LRRC7: variants seen among roughly 807,000 people sequenced by gnomAD.
LRRC7 encodes the protein leucine-rich repeat-containing protein 7.
Under a neutral mutation model 175.7 loss-of-function variants are expected in LRRC7, and 23 were observed. The ratio of observed to expected loss-of-function variants is 0.13; its 90% CI spans 0.09 to 0.19. The LOEUF is 0.19. Among genes scored for constraint, LRRC7 ranks in the 10% least tolerant of loss-of-function variants. The pLI, the probability that LRRC7 is intolerant of heterozygous loss-of-function variation, is 1.00. For synonymous variants in LRRC7, 685 were observed against 680.9 expected, an observed-to-expected ratio of 1.01 and a Z score of -0.09; for missense variants, 1,354 against 1,904.7, an observed-to-expected ratio of 0.71 and a Z score of 5.38.
At chr1:70,062,920 A>T (rs180997973) in intron 23 of LRRC7, among the ~76,000 whole-genome samples, 1 of 151,960 alleles carries the variant, frequency 6.6e-6, no homozygotes, top group Non-Finnish European at 1.5e-5. Context: ...TGGAAAAAAA[A>T]TCTCTAACCT....
chr1:70,001,974 A>G (rs1238407203), intron 11 of LRRC7, among the ~76,000 whole-genome samples: 2 of 152,198 alleles, frequency 1.3e-5, no homozygotes, highest in Non-Finnish European at 1.5e-5. Context: ...CTTCAATGCC[A>G]AGCTGTTAAC....
intron 8 of LRRC7, among the ~76,000 whole-genome samples, chr1:69,965,826 A>G (rs1036492148): frequency 2.0e-4 from 31 of 152,166 alleles, no homozygotes; most frequent in Non-Finnish European, 4.0e-4. Context: ...TTGTCATCAA[A>G]AGGTGAACAA....
chr1:69,679,684 T>G (rs1660231869), intron 2 of LRRC7, among the ~76,000 whole-genome samples: 1 of 152,132 alleles, frequency 6.6e-6, no homozygotes, highest in Non-Finnish European at 1.5e-5. Context: ...ACTTCGGGGT[T>G]TCTTCTCTAT....
chr1:69,692,831 G>A (rs1287538096), intron 2 of LRRC7, among the ~76,000 whole-genome samples: 1 of 152,074 alleles, frequency 6.6e-6, no homozygotes, highest in Non-Finnish European at 1.5e-5. Context: ...CTATGCGAAT[G>A]TTTTCAGAAA....
intron 7 of LRRC7, among the ~76,000 whole-genome samples, chr1:69,916,093 C>CGT (rs1557884214): frequency 7.4e-6 from 1 of 134,494 alleles, no homozygotes; most frequent in Non-Finnish European, 1.6e-5. Context: ...ATATTATATA[C>CGT]ATATTTTATA....
intron 1 of LRRC7, among the ~76,000 whole-genome samples, chr1:69,596,190 G>T (rs149457061): frequency 1.3e-5 from 2 of 152,208 alleles, no homozygotes; most frequent in Non-Finnish European, 2.9e-5. Context: ...AGTTTAAGAA[G>T]ATTATCTCCT....
intron 24 of LRRC7, among the ~76,000 whole-genome samples, chr1:70,082,383 A>C (rs900470568): frequency 6.6e-6 from 1 of 152,164 alleles, no homozygotes; most frequent in Non-Finnish European, 1.5e-5. Flanking sequence ...CTATTTGTGA[A>C]TATTTCCCCC....
chr1:69,719,314 AAATGAATG>A (rs938796260), intron 2 of LRRC7, among the ~76,000 whole-genome samples: 1 of 151,752 alleles, frequency 6.6e-6, no homozygotes, highest in East Asian at 1.9e-4. Context: ...TTCAATGAAT[AAATGAATG>A]AATGAATGAA....
chr1:70,113,357 T>C (rs1322276600), intron 26 of LRRC7, among the ~76,000 whole-genome samples: 1 of 152,078 alleles, frequency 6.6e-6, no homozygotes, highest in African/African-American at 2.4e-5. Context: ...GATCCATAAT[T>C]AATGTCACAA....
intron 21 of LRRC7, among the ~76,000 whole-genome samples, chr1:70,042,161 A>G (rs1052396109): frequency 2.0e-5 from 3 of 152,168 alleles, no homozygotes; most frequent in African/African-American, 7.2e-5. Flanking sequence ...GCCAAGTCAC[A>G]TTTCTTTCTG....
chr1:69,910,827 C>T (rs1337248268), intron 7 of LRRC7, among the ~76,000 whole-genome samples: 2 of 152,240 alleles, frequency 1.3e-5, no homozygotes, highest in Non-Finnish European at 2.9e-5. Flanking sequence ...AGGCAGGCCT[C>T]CTTGAGCTGT....
chr1:69,877,884 C>T (rs1202105712), intron 7 of LRRC7, among the ~76,000 whole-genome samples: 3 of 151,942 alleles, frequency 2.0e-5, no homozygotes, highest in Non-Finnish European at 4.4e-5. Flanking sequence ...ACAGAATAGA[C>T]ATATTTTACT....
chr1:69,726,212 C>T (rs1666960309), intron 2 of LRRC7, among the ~76,000 whole-genome samples: 1 of 152,076 alleles, frequency 6.6e-6, no homozygotes, highest in African/African-American at 2.4e-5. Flanking sequence ...ACCCTGGTTA[C>T]TAAAGGGAAA....
chr1:69,636,896 T>C (rs922092910), intron 1 of LRRC7, among the ~76,000 whole-genome samples: 1 of 152,032 alleles, frequency 6.6e-6, no homozygotes, highest in Non-Finnish European at 1.5e-5. Flanking sequence ...AATATTTATA[T>C]CTGACTGGAT....
rs757136232 is a variant in LRRC7, at chr1:70,129,743, C to G, written c.*7856C>G. Among the ~76,000 whole-genome samples the G allele has an allele frequency of 2.0e-5, 3 of 152,198 alleles. No homozygotes were observed. The highest frequency in any genetic ancestry group is 4.4e-5 in the Non-Finnish European group (3 of 68,028). ...GAGAACATTTTCACTACACGCTGCT[C>G]AAGTGATCCCCTGAAAATACTGTTT... is the stretch of plus-strand genomic sequence containing the variant. On this transcript the variant is annotated 3_prime_UTR_variant, in exon 27 of 27. Coordinates refer to ENST00000651989, the MANE Select transcript of LRRC7 (RefSeq NM_001370785.2).
intron 4 of LRRC7, among the ~76,000 whole-genome samples, chr1:69,801,023 TAATA>T (rs539282472): frequency 6.2e-4 from 95 of 152,092 alleles, no homozygotes; most frequent in African/African-American, 2.2e-3. Context: ...TTTGTTTATG[TAATA>T]AATTGCATTT....
At chr1:69,739,625 G>A (rs1055829461) in intron 2 of LRRC7, among the ~76,000 whole-genome samples, 11 of 151,956 alleles carry the variant, frequency 7.2e-5, no homozygotes, top group African/African-American at 1.7e-4. Context: ...CAATTGTTCC[G>A]ACTAGGATTT....
intron 1 of LRRC7, among the ~76,000 whole-genome samples, chr1:69,580,812 T>C (rs888057156): frequency 1.3e-5 from 2 of 152,174 alleles, no homozygotes; most frequent in African/African-American, 4.8e-5. Context: ...TCTAGGGATA[T>C]ACAATTACAA....
chr1:69,876,667 T>A (rs1246626559), intron 7 of LRRC7, among the ~76,000 whole-genome samples: 1 of 152,142 alleles, frequency 6.6e-6, no homozygotes, highest in Non-Finnish European at 1.5e-5. Context: ...AGATAGAACA[T>A]CTGAAATCCA....
Sources: allele counts gnomAD v4.1 joint callset (sites outside exome capture counted in the v4.1 genomes callset), GRCh38; gene constraint gnomAD v4.1.1; transcripts MANE v1.5; gene names NCBI Gene and HGNC (gene_info 2026-07-23, HGNC 2026-07-21).